Variants in KLF12 observed in about 807,000 individuals in gnomAD.
KLF12 encodes the protein Krueppel-like factor 12.
In KLF12, 9 loss-of-function variants were observed where a neutral mutation model predicts 37.8. That is an observed-to-expected ratio of 0.24 (90% CI 0.14 to 0.42). The LOEUF is 0.42. Ranked by LOEUF, KLF12 falls within the 10% of genes least tolerant of loss-of-function variation. The pLI, the probability that KLF12 is intolerant of heterozygous loss-of-function variation, is 1.00. For synonymous variants in KLF12, 208 were observed against 202.1 expected (o/e 1.03, Z -0.25); for missense variants, 411 against 516.0 (o/e 0.80, Z 1.97).
At chr13:73,813,756 G>A (rs9573302) in intron 4 of KLF12, among the ~76,000 whole-genome samples, 7 of 152,310 alleles carry the variant, frequency 4.6e-5, no homozygotes, top group South Asian at 4.1e-4. Flanking sequence ...CAGGGCTTGC[G>A]TGACTAAAAG....
intron 1 of KLF12, among the ~76,000 whole-genome samples, chr13:74,013,371 A>T (rs1892598869): frequency 6.6e-6 from 1 of 152,254 alleles, no homozygotes; most frequent in South Asian, 2.1e-4. Context: ...AGTAAGGCTG[A>T]AAGTGGCAGG....
intron 3 of KLF12, among the ~76,000 whole-genome samples, chr13:73,902,608 C>T (rs932959229): frequency 2.0e-5 from 3 of 152,156 alleles, no homozygotes; most frequent in African/African-American, 7.2e-5. Context: ...GGAGAATGGT[C>T]GCACTTACAC....
intron 2 of KLF12, among the ~76,000 whole-genome samples, chr13:73,985,348 A>C (rs1464594393): frequency 1.3e-5 from 2 of 152,216 alleles, no homozygotes; most frequent in Non-Finnish European, 2.9e-5. Flanking sequence ...AGGTGCCCAG[A>C]TTCCAACTCT....
intron 6 of KLF12, among the ~76,000 whole-genome samples, chr13:73,747,821 CTGATT>C (rs1238094264): frequency 1.4e-5 from 2 of 147,716 alleles, no homozygotes; most frequent in Non-Finnish European, 3.0e-5. Flanking sequence ...AATAGGCAGT[CTGATT>C]TATTGATCCC....
chr13:73,932,869 A>C (rs1254051028), intron 3 of KLF12, among the ~76,000 whole-genome samples: 1 of 152,162 alleles, frequency 6.6e-6, no homozygotes, highest in African/African-American at 2.4e-5. Flanking sequence ...CAAGATCTAT[A>C]TTAGATTCTT....
chr13:73,985,097 C>T (rs1338999794), intron 2 of KLF12, among the ~76,000 whole-genome samples: 1 of 152,222 alleles, frequency 6.6e-6, no homozygotes, highest in Admixed American at 6.5e-5. Flanking sequence ...GAAGGCGTTG[C>T]AGCCAACAGA....
intron 3 of KLF12, among the ~76,000 whole-genome samples, chr13:73,917,327 C>T (rs1224355904): frequency 1.3e-5 from 2 of 152,118 alleles, no homozygotes; most frequent in Non-Finnish European, 2.9e-5. Context: ...AGAGTGATTC[C>T]TCTCATATTT....
the KLF12 span, among the ~76,000 whole-genome samples, chr13:74,200,827 A>G: frequency 1.3e-5 from 2 of 152,056 alleles, no homozygotes; most frequent in African/African-American, 2.4e-5. Flanking sequence ...TGCAAACCCT[A>G]TAAGGTATTT....
At chr13:74,266,928 G>T in the KLF12 span, among the ~76,000 whole-genome samples, 23 of 152,170 alleles carry the variant, frequency 1.5e-4, no homozygotes, top group Admixed American at 3.9e-4. Flanking sequence ...TATTTTGGTA[G>T]AGGGTAGTGG....
the KLF12 span, among the ~76,000 whole-genome samples, chr13:74,275,838 CT>C: frequency 1.8e-5 from 2 of 113,962 alleles, no homozygotes; most frequent in African/African-American, 3.6e-5. Flanking sequence ...TTCTTTCTTT[CT>C]TTCTTTCTTT....
the KLF12 span, among the ~76,000 whole-genome samples, chr13:74,189,239 T>C: frequency 6.6e-6 from 1 of 152,132 alleles, no homozygotes; most frequent in African/African-American, 2.4e-5. Context: ...TTGCAGTACA[T>C]AGAGGAATTA....
intron 3 of KLF12, among the ~76,000 whole-genome samples, chr13:73,925,011 C>T (rs1166206882): frequency 2.6e-5 from 4 of 152,158 alleles, no homozygotes; most frequent in African/African-American, 9.7e-5. Flanking sequence ...GAAGAAAAGT[C>T]TGAAGCTAGC....
intron 6 of KLF12, among the ~76,000 whole-genome samples, chr13:73,738,112 T>TATGTATGTGTAC (rs1877631908): frequency 1.3e-5 from 1 of 74,754 alleles, no homozygotes; most frequent in African/African-American, 6.5e-5. Context: ...TATATATATA[T>TATGTATGTGTAC]ATATATATAT....
In KLF12 at chr13:73,812,960, T is replaced by C. The variant is rs115120261; in HGVS notation, c.806+192A>G. On this transcript the variant is annotated intron_variant, in intron 5 of 7. Coordinates refer to ENST00000377669, the MANE Select transcript of KLF12 (RefSeq NM_007249.5). ...GTCTTATATCTCATCAAAGCATGAA[T>C]TTCCAACTCATTAAAACACTCCATT... 2,543 of 570,460 alleles carry C rather than the reference T, an allele frequency of 4.5e-3. 50 individuals are homozygous for C. Among genetic ancestry groups the C allele is most frequent in the African/African-American group, 0.042 (2,251 of 53,650 alleles). 35.3% of individuals were successfully genotyped at this position (570,460 alleles called of 1,614,324 possible). A position where few individuals can be genotyped will look rare whatever the true frequency, so the allele number is the denominator to read the frequency against.
chr13:74,123,673 T>C (rs554326246), intron 1 of KLF12, among the ~76,000 whole-genome samples: 2 of 152,326 alleles, frequency 1.3e-5, no homozygotes, highest in Non-Finnish European at 2.9e-5. Context: ...AAAGTGCATT[T>C]TGGAAGAAGG....
chr13:73,915,200 C>T (rs545771551), intron 3 of KLF12, among the ~76,000 whole-genome samples: 1 of 152,164 alleles, frequency 6.6e-6, no homozygotes, highest in South Asian at 2.1e-4. Context: ...TTTCCTGCTT[C>T]CCTCTTACAA....
upstream of KLF12, among the ~76,000 whole-genome samples, chr13:74,138,093 C>T (rs187667998): frequency 1.4e-3 from 212 of 152,298 alleles, 5 homozygotes; most frequent in East Asian, 0.033. Context: ...ATTACTTATA[C>T]CTCACCCAGA....
intron 1 of KLF12, among the ~76,000 whole-genome samples, chr13:74,086,704 T>C (rs1875329462): frequency 6.6e-6 from 1 of 152,164 alleles, no homozygotes; most frequent in South Asian, 2.1e-4. Context: ...TCGGGCACAG[T>C]GAAAAATCTT....
the KLF12 span, chr13:74,256,818 C>T: frequency 4.6e-5 from 7 of 152,040 alleles, no homozygotes; most frequent in African/African-American, 1.7e-4. Context: ...ACTGTTTGAT[C>T]TTATATTACA....
Sources: allele counts gnomAD v4.1 joint callset (sites outside exome capture counted in the v4.1 genomes callset), GRCh38; gene constraint gnomAD v4.1.1; transcripts MANE v1.5; gene names NCBI Gene and HGNC (gene_info 2026-07-23, HGNC 2026-07-21).